The following CHST15 variants were observed in gnomAD, a reference collection of about 807,000 sequenced individuals.
CHST15 encodes the protein B cell RAG associated protein (GALNAC4S-6ST).
CHST15 carries 30 observed loss-of-function variants against 53.6 expected under a neutral mutation model. That is an observed-to-expected ratio of 0.56 (90% CI 0.42 to 0.76). The LOEUF (loss-of-function observed/expected upper bound fraction) is 0.76, where lower values mean the gene tolerates loss of function less well. Among genes scored for constraint, CHST15 ranks in the 30% least tolerant of loss-of-function variants. CHST15 has a pLI of 0.00. For missense variants in CHST15, 627 were observed against 740.5 expected (o/e 0.85, Z 1.78); for synonymous variants, 296 against 289.8 (o/e 1.02, Z -0.22).
At chr10:124,056,509 G>A (rs934947988) in intron 1 of CHST15, among the ~76,000 whole-genome samples, 1 of 152,248 alleles carries the variant, frequency 6.6e-6, no homozygotes, top group African/African-American at 2.4e-5. Flanking sequence ...GGGGAACGGA[G>A]ATGTGTAGAG....
intron 2 of CHST15, 118 bp from the exon 3 acceptor site, chr10:124,045,037 T>C (rs1947912560): frequency 1.6e-5 from 8 of 508,196 alleles, no homozygotes; most frequent in African/African-American, 2.1e-5. Flanking sequence ...GAACTAATAT[T>C]TGACAATGAT....
intron 1 of CHST15, among the ~76,000 whole-genome samples, chr10:124,087,922 T>C (rs1270536400): frequency 8.5e-5 from 13 of 152,344 alleles, no homozygotes; most frequent in African/African-American, 2.6e-4. Context: ...TGTTTACCAG[T>C]GTTCTCCTCG....
intron 1 of CHST15, among the ~76,000 whole-genome samples, chr10:124,080,822 C>CT (rs1949209674): frequency 6.6e-6 from 1 of 152,212 alleles, no homozygotes; most frequent in South Asian, 2.1e-4. Context: ...ATTCACTATA[C>CT]TCTTGCCTGT....
chr10:124,042,408 G>A lies in CHST15; in HGVS notation c.926C>T (p.Pro309Leu), dbSNP rs765822393. ...AAAGAGGTCCAGATAATCTTCCACG[G>A]GATAGCGGTCTCGCAGCCCATCTCT... ...RLRDGLRDRY[P>L]VEDYLDLFDL... The change falls in exon 4 of 8, where the codon CCC (proline) becomes CTC (leucine). Residue 309 changes from proline (P) to leucine (L), a missense_variant. Around this residue, in one of 3 missense-constraint regions of CHST15, gnomAD observed 279 missense variants for 371.6 expected, o/e 0.75. Coordinates refer to ENST00000435907, the MANE Select transcript of CHST15 (RefSeq NM_001270764.2). The A allele has an allele frequency of 1.2e-6, 2 of 1,614,212 alleles. No individual in the cohort carries two copies. The highest frequency in any genetic ancestry group is 1.7e-6 in the Non-Finnish European group (2 of 1,180,030).
At chr10:124,020,994 A>G in intron 6 of CHST15, 1 of 1,417,928 alleles carries the variant, frequency 7.1e-7, no homozygotes, top group South Asian at 1.6e-5. Context: ...TAATCTTCCT[A>G]AAGGCACCCT....
In CHST15 at chr10:124,021,243, G is replaced by GGT; in HGVS notation, c.1347+12_1347+13insAC. The GGT allele has an allele frequency of 6.5e-7, 1 of 1,541,850 alleles. No individual in the cohort carries two copies. Among genetic ancestry groups the GGT allele is most frequent in the Non-Finnish European group, 8.8e-7 (1 of 1,133,378 alleles). On this transcript the variant is annotated intron_variant, in intron 6 of 7. Transcript: ENST00000435907. ...GGGCCAGCTCGGGGGGTACGGGGGGGGGGGGTACACACAGGCATGGCGTTG... is the reference window on the plus strand; with the variant it reads ...GGGCCAGCTCGGGGGGTACGGGGGGGGTGGGGGTACACACAGGCATGGCGTTG...
chr10:124,019,615 T>C lies in CHST15; in HGVS notation c.1347+1641A>G, dbSNP rs1946701312. ...TCTCCGTTTCCTTATGAAGGCTCCC[T>C]CCCGGGTTACATGAAATTTACGTTA... On this transcript the variant is annotated intron_variant, in intron 6 of 7. Transcript: ENST00000435907. The surrounding 1 kb of genome is among the most constrained non-coding windows in gnomAD (Gnocchi z 4.6). The C allele has an allele frequency of 1.0e-5, 3 of 301,364 alleles. No individual in the cohort carries two copies. Among genetic ancestry groups the C allele is most frequent in the Non-Finnish European group, 1.5e-5 (3 of 204,446 alleles). 18.7% of individuals were successfully genotyped at this position (301,364 alleles called of 1,614,324 possible). A position where few individuals can be genotyped will look rare whatever the true frequency, so the allele number is the denominator to read the frequency against.
chr10:124,029,146 C>T (rs987351449), intron 5 of CHST15, among the ~76,000 whole-genome samples: 16 of 152,198 alleles, frequency 1.1e-4, no homozygotes, highest in African/African-American at 3.6e-4. Flanking sequence ...TGATATGGTG[C>T]CATCAATAAT....
At chr10:124,050,956 T>G (rs930254913) in intron 1 of CHST15, among the ~76,000 whole-genome samples, 1 of 152,114 alleles carries the variant, frequency 6.6e-6, no homozygotes, top group African/African-American at 2.4e-5. Flanking sequence ...TTCTTTTTTT[T>G]GTTTTGAGAT....
At chr10:124,081,370 ATG>A (rs5788644) in intron 1 of CHST15, among the ~76,000 whole-genome samples, 4 of 66,444 alleles carry the variant, frequency 6.0e-5, no homozygotes, top group African/African-American at 2.9e-4. Context: ...ATGCACACAC[ATG>A]CACGCATGCA....
At position 124,074,563 on chromosome 10, in the gene CHST15, A is replaced by T. The variant is rs1949016779; in HGVS notation, c.-513+18906T>A. On this transcript the variant is annotated intron_variant, in intron 1 of 7. Transcript: ENST00000435907. The surrounding 1 kb of genome is among the most constrained non-coding windows in gnomAD (Gnocchi z 4.4). Reference sequence around the variant, plus strand: ...TTACATAACATCCCCCTGCACACCCAACACCTTCGCCACGTCTGCAGTCTC... The same window carrying T: ...TTACATAACATCCCCCTGCACACCCTACACCTTCGCCACGTCTGCAGTCTC... 6.6e-6 allele frequency among the ~76,000 whole-genome samples: 1 copy of T among 152,068 alleles called. No individual in the cohort carries two copies. The highest frequency in any genetic ancestry group is 2.4e-5 in the African/African-American group (1 of 41,410).
chr10:124,085,774 T>G (rs927794731), intron 1 of CHST15, among the ~76,000 whole-genome samples: 3 of 152,028 alleles, frequency 2.0e-5, no homozygotes, highest in Admixed American at 6.5e-5. Flanking sequence ...GGAGGAAGGA[T>G]CCACACCTGG....
At chr10:124,090,893 C>T (rs1949584046) in intron 1 of CHST15, among the ~76,000 whole-genome samples, 1 of 152,236 alleles carries the variant, frequency 6.6e-6, no homozygotes. Context: ...CAAGCCAGCT[C>T]ACTGCAATCA....
At chr10:124,014,091 T>A (rs757980914) in intron 6 of CHST15, among the ~76,000 whole-genome samples, 3 of 152,252 alleles carry the variant, frequency 2.0e-5, no homozygotes, top group Non-Finnish European at 4.4e-5. Flanking sequence ...CATCCTCTCA[T>A]ACATGCAGCA....
chr10:124,022,523 C>T (rs974499675), intron 5 of CHST15, among the ~76,000 whole-genome samples: 8 of 152,194 alleles, frequency 5.3e-5, no homozygotes, highest in Admixed American at 6.5e-5. Context: ...GTTCATGGAC[C>T]GTGCTAATAA....
chr10:124,022,617 T>C (rs1946828866), intron 5 of CHST15, among the ~76,000 whole-genome samples: 1 of 152,082 alleles, frequency 6.6e-6, no homozygotes, highest in African/African-American at 2.4e-5. Context: ...TCCCCCACCC[T>C]TGGTTAACTG....
intron 1 of CHST15, among the ~76,000 whole-genome samples, chr10:124,083,295 A>C (rs529380938): frequency 6.8e-4 from 104 of 152,230 alleles, no homozygotes; most frequent in African/African-American, 2.4e-3. Context: ...AAAACTGCTG[A>C]CTCAAAAGGG....
intron 6 of CHST15, among the ~76,000 whole-genome samples, chr10:124,018,223 C>T (rs1258395296): frequency 1.3e-5 from 2 of 152,242 alleles, no homozygotes; most frequent in Non-Finnish European, 2.9e-5. Context: ...AAGGTGCACC[C>T]TTGCTTCCCA....
chr10:124,010,247 G>T lies in CHST15; in HGVS notation c.1588C>A (p.Pro530Thr), dbSNP rs765199201. Residue 530 changes from proline to threonine, a missense_variant, in exon 8 of 8, where the codon CCC becomes ACC. This residue lies in a region of CHST15 where 279 missense variants were observed against 371.6 expected (regional missense o/e 0.75). Transcript: ENST00000435907. ...TCCCGCAGAATCTTCTGTGTGATGG[G>T]CCACATGGGCCCCAGGTTCCGGTCC... ...PEDRNLGPMW[P>T]ITQKILRDFY... 8 of 1,614,110 alleles carry T rather than the reference G, an allele frequency of 5.0e-6. No homozygotes were observed. The highest frequency in any genetic ancestry group is 6.8e-6 in the Non-Finnish European group (8 of 1,180,022).
Sources: allele counts gnomAD v4.1 joint callset (sites outside exome capture counted in the v4.1 genomes callset), GRCh38; gene constraint gnomAD v4.1.1; regional missense constraint gnomAD v4.1.1; non-coding constraint Gnocchi (gnomAD v3.1); transcripts MANE v1.5; gene names NCBI Gene and HGNC (gene_info 2026-07-23, HGNC 2026-07-21).